The following KIAA1328 variants were observed in gnomAD, a reference collection of about 807,000 sequenced individuals.
KIAA1328 encodes protein hinderin.
Under a neutral mutation model 68.1 loss-of-function variants are expected in KIAA1328, and 52 were observed. That is an observed-to-expected ratio of 0.76 (90% CI 0.61 to 0.96). The LOEUF (loss-of-function observed/expected upper bound fraction) is 0.96, where lower values mean the gene tolerates loss of function less well. Among genes scored for constraint, KIAA1328 ranks in the 40% least tolerant of loss-of-function variants. The probability of loss-of-function intolerance (pLI) is 0.00; values close to 1 mark genes in which losing one functional copy is unlikely to be tolerated. For missense variants in KIAA1328, 641 were observed against 677.6 expected, an observed-to-expected ratio of 0.95 and a Z score of 0.60; for synonymous variants, 232 against 239.4, an observed-to-expected ratio of 0.97 and a Z score of 0.28.
At chr18:36,837,160 G>C (rs1568057843) in intron 3 of KIAA1328, among the ~76,000 whole-genome samples, 1 of 151,968 alleles carries the variant, frequency 6.6e-6, no homozygotes, top group Non-Finnish European at 1.5e-5. Context: ...TTAACCTTTT[G>C]ACAAAATTCC....
intron 9 of KIAA1328, among the ~76,000 whole-genome samples, chr18:37,184,886 A>G (rs2059764683): frequency 6.6e-6 from 1 of 152,174 alleles, no homozygotes; most frequent in Non-Finnish European, 1.5e-5. Context: ...TGGGTTGGCC[A>G]GGCGTGGTGG....
intron 7 of KIAA1328, among the ~76,000 whole-genome samples, chr18:37,107,119 G>A (rs2057797698): frequency 6.6e-6 from 1 of 152,172 alleles, no homozygotes; most frequent in Non-Finnish European, 1.5e-5. Context: ...GTGCACACCT[G>A]TAATCCCAGC....
In KIAA1328 at chr18:36,834,335, A is replaced by C. The variant is rs1409603041; in HGVS notation, c.74A>C (p.Gln25Pro). The change falls in exon 2 of 10, where the codon CAA (glutamine) becomes CCA (proline). Residue 25 changes from glutamine to proline, a missense_variant. Coordinates refer to ENST00000280020, the MANE Select transcript of KIAA1328 (RefSeq NM_020776.3). Reference protein sequence around the residue: ...FWSRDFSDEEQSVVYVPGISA... With the variant: ...FWSRDFSDEEPSVVYVPGISA... Reference sequence around the variant, plus strand: ...TCCTGCGTAGTTTCTGATGAAGAACAATCAGTAGTATACGTTCCAGGTATG... The same window carrying C: ...TCCTGCGTAGTTTCTGATGAAGAACCATCAGTAGTATACGTTCCAGGTATG... The C allele has an allele frequency of 1.3e-6, 2 of 1,587,656 alleles. No individual in the cohort carries two copies. Among genetic ancestry groups the C allele is most frequent in the Non-Finnish European group, 1.7e-6 (2 of 1,168,934 alleles).
chr18:37,186,862 G>C (rs765039629), intron 9 of KIAA1328, among the ~76,000 whole-genome samples: 1 of 152,002 alleles, frequency 6.6e-6, no homozygotes, highest in Non-Finnish European at 1.5e-5. Flanking sequence ...AAAAAAGTAT[G>C]ACTATTACTG....
intron 7 of KIAA1328, among the ~76,000 whole-genome samples, chr18:37,147,950 A>C (rs2058940884): frequency 6.6e-6 from 1 of 152,128 alleles, no homozygotes; most frequent in African/African-American, 2.4e-5. Flanking sequence ...CCTAGGCTAC[A>C]AACTTGTAGG....
chr18:37,163,245 T>C (rs765624505), intron 8 of KIAA1328, among the ~76,000 whole-genome samples: 1 of 152,220 alleles, frequency 6.6e-6, no homozygotes, highest in Non-Finnish European at 1.5e-5. Context: ...GTTGATGGGC[T>C]AGCAGAGGCT....
chr18:37,005,076 A>G (rs946699031), intron 6 of KIAA1328, among the ~76,000 whole-genome samples: 5 of 152,074 alleles, frequency 3.3e-5, no homozygotes, highest in African/African-American at 4.8e-5. Context: ...AGAATGATAC[A>G]ATGGACTTTC....
intron 9 of KIAA1328, among the ~76,000 whole-genome samples, chr18:37,198,641 AG>A (rs1170545435): frequency 1.3e-5 from 2 of 152,224 alleles, no homozygotes; most frequent in African/African-American, 4.8e-5. Context: ...AAGGTTCCTA[AG>A]AAGCACAAAG....
intron 8 of KIAA1328, among the ~76,000 whole-genome samples, chr18:37,168,192 A>G (rs1427469512): frequency 1.3e-5 from 2 of 152,246 alleles, no homozygotes; most frequent in Non-Finnish European, 2.9e-5. Flanking sequence ...ACTTTATAGG[A>G]AATTGTTTGT....
chr18:37,102,537 T>C (rs2057654245), intron 7 of KIAA1328, among the ~76,000 whole-genome samples: 1 of 152,156 alleles, frequency 6.6e-6, no homozygotes, highest in Non-Finnish European at 1.5e-5. Flanking sequence ...ATATATCTCA[T>C]TATAAAAACC....
chr18:37,162,622 T>C (rs1160471501), intron 8 of KIAA1328, among the ~76,000 whole-genome samples: 4 of 152,218 alleles, frequency 2.6e-5, no homozygotes, highest in African/African-American at 9.6e-5. Context: ...ATCATAAGGC[T>C]GATGACCTAG....
chr18:37,089,922 A>T (rs1449972679), intron 7 of KIAA1328, among the ~76,000 whole-genome samples: 1 of 152,224 alleles, frequency 6.6e-6, no homozygotes, highest in East Asian at 1.9e-4. Context: ...GACTTTTGAA[A>T]TCATTACCAT....
At chr18:37,180,875 G>A (rs1049833963) in intron 9 of KIAA1328, among the ~76,000 whole-genome samples, 6 of 152,126 alleles carry the variant, frequency 3.9e-5, no homozygotes, top group African/African-American at 1.4e-4. Flanking sequence ...CCTATGTGAT[G>A]ATGGTGGCTA....
At chr18:36,837,046 A>ATTC (rs1338788078) in intron 3 of KIAA1328, among the ~76,000 whole-genome samples, 2 of 152,288 alleles carry the variant, frequency 1.3e-5, no homozygotes, top group East Asian at 3.9e-4. Flanking sequence ...ATTATGAATA[A>ATTC]TTCTTCCATG....
At chr18:36,885,203 G>A (rs190687164) in intron 4 of KIAA1328, among the ~76,000 whole-genome samples, 310 of 152,160 alleles carry the variant, frequency 2.0e-3, no homozygotes, top group Non-Finnish European at 3.4e-3. Flanking sequence ...TCAATTGATT[G>A]TACCTGTTTT....
intron 6 of KIAA1328, among the ~76,000 whole-genome samples, chr18:37,012,923 C>A (rs1172334048): frequency 6.6e-6 from 1 of 151,914 alleles, no homozygotes; most frequent in Non-Finnish European, 1.5e-5. Flanking sequence ...CTTTTTGGGA[C>A]AGCATGGGGG....
chr18:36,835,236 AT>A lies in KIAA1328; in HGVS notation c.100del (p.Ser34LeufsTer12). 1 of 1,610,422 alleles carries A rather than the reference AT, an allele frequency of 6.2e-7. No homozygotes were observed. The highest frequency in any genetic ancestry group is 1.1e-5 in the South Asian group (1 of 90,262). On this transcript the variant is annotated frameshift_variant, in exon 3 of 10. Coordinates refer to ENST00000280020, the MANE Select transcript of KIAA1328 (RefSeq NM_020776.3). LOFTEE classifies it high-confidence loss of function. ...EEQSVVYVPG[I>X]SAEGNVRSRH... ...TCTTGTTTAATGGAAATCCTTAGGAATTTCTGCTGAAGGAAATGTCAGATCA... is the reference window on the plus strand; with the variant it reads ...TCTTGTTTAATGGAAATCCTTAGGAATTCTGCTGAAGGAAATGTCAGATCA...
chr18:36,889,612 C>T (rs2048614237), intron 5 of KIAA1328, among the ~76,000 whole-genome samples: 1 of 152,162 alleles, frequency 6.6e-6, no homozygotes, highest in Non-Finnish European at 1.5e-5. Context: ...CTGAACTTCT[C>T]TGAGTCTTTT....
intron 7 of KIAA1328, among the ~76,000 whole-genome samples, chr18:37,143,184 G>T (rs1354582507): frequency 2.6e-5 from 4 of 151,944 alleles, no homozygotes; most frequent in Non-Finnish European, 5.9e-5. Flanking sequence ...CGAACTCCTG[G>T]CCTCAAGTAA....
Sources: allele counts gnomAD v4.1 joint callset (sites outside exome capture counted in the v4.1 genomes callset), GRCh38; gene constraint gnomAD v4.1.1; transcripts MANE v1.5; gene names NCBI Gene and HGNC (gene_info 2026-07-23, HGNC 2026-07-21).